Variants in ITCH observed in about 807,000 individuals in gnomAD.
ITCH encodes the protein itchy E3 ubiquitin protein ligase.
A neutral mutation model predicts 126.8 loss-of-function variants in ITCH; 28 were observed. That is an observed-to-expected ratio of 0.22 (90% CI 0.16 to 0.30). The LOEUF is 0.30. Ranked by LOEUF, ITCH falls within the 10% of genes least tolerant of loss-of-function variation. ITCH has a pLI of 1.00. For missense variants in ITCH, 631 were observed against 1,032.4 expected (o/e 0.61, Z 5.33); for synonymous variants, 342 against 340.0 (o/e 1.01, Z -0.06).
intron 14 of ITCH, among the ~76,000 whole-genome samples, chr20:34,466,631 T>C (rs2146397325): frequency 6.6e-6 from 1 of 152,288 alleles, no homozygotes; most frequent in East Asian, 1.9e-4. Context: ...TTATGTAAGA[T>C]AGAAGTGTAT....
At position 34,385,222 on chromosome 20, in the gene ITCH, G is replaced by T. The variant is rs151137992; in HGVS notation, c.-21-8569G>T. On this transcript the variant is annotated intron_variant, in intron 2 of 24. Transcript: ENST00000374864. ...GTGTGTGTGTGTGTGTGTGTGTGTG[G>T]TTTTTTTTTTTTTTTTTTTTAGCAG... Among the ~76,000 whole-genome samples, 604 of 85,052 alleles carry T rather than the reference G, an allele frequency of 7.1e-3. 11 individuals carry two copies. The highest frequency in any genetic ancestry group is 0.013 in the South Asian group (30 of 2,304). The allele number at this position is 85,052 out of a possible 152,430, so 55.8% of individuals were successfully genotyped here.
At chr20:34,484,813 G>A (rs1312014353) in intron 20 of ITCH, among the ~76,000 whole-genome samples, 1 of 152,126 alleles carries the variant, frequency 6.6e-6, no homozygotes, top group Non-Finnish European at 1.5e-5. Context: ...GAGAAGTTGT[G>A]CTAGATCACT....
intron 20 of ITCH, among the ~76,000 whole-genome samples, chr20:34,483,430 G>C (rs1190798605): frequency 6.6e-6 from 1 of 152,126 alleles, no homozygotes; most frequent in African/African-American, 2.4e-5. Context: ...TATTCCACCA[G>C]ATACCCTAAA....
chr20:34,495,575 G>A (rs1989823751), intron 23 of ITCH, among the ~76,000 whole-genome samples: 2 of 151,910 alleles, frequency 1.3e-5, no homozygotes, highest in South Asian at 2.1e-4. Flanking sequence ...CACTTAAAAC[G>A]TCCTCCATGT....
At chr20:34,487,313 G>A (rs1031108893) in intron 20 of ITCH, among the ~76,000 whole-genome samples, 3 of 151,942 alleles carry the variant, frequency 2.0e-5, no homozygotes, top group Non-Finnish European at 4.4e-5. Flanking sequence ...TGCCCAGCCA[G>A]GTCTTATTTT....
At chr20:34,497,209 C>T (rs981588628) in intron 23 of ITCH, among the ~76,000 whole-genome samples, 1 of 152,050 alleles carries the variant, frequency 6.6e-6, no homozygotes, top group Non-Finnish European at 1.5e-5. Context: ...GTTGGTCAGG[C>T]TGGTCTTGAA....
At chr20:34,502,326 T>G (rs1990306126) in intron 23 of ITCH, among the ~76,000 whole-genome samples, 1 of 151,820 alleles carries the variant, frequency 6.6e-6, no homozygotes, top group Non-Finnish European at 1.5e-5. Flanking sequence ...AAGCCTGTAG[T>G]GCACTATAAC....
rs565596272 is a variant in ITCH at position 34,461,834 on chromosome 20, A to G, written c.1296-259A>G. On this transcript the variant is annotated intron_variant, in intron 13 of 24. Transcript: ENST00000374864. The stretch of plus-strand genomic sequence containing the variant: ...CAGAATGGTTAGAACTTGGTTAACA[A>G]AATGTTTAGGATGAGTCATTAGCTA... Among the ~76,000 whole-genome samples, 3 of 152,288 alleles carry G rather than the reference A, an allele frequency of 2.0e-5. 1 individual carries two copies. Among genetic ancestry groups the G allele is most frequent in the African/African-American group, 4.8e-5 (2 of 41,570 alleles).
At chr20:34,470,956 A>C (rs544991080) in intron 15 of ITCH, among the ~76,000 whole-genome samples, 5 of 152,364 alleles carry the variant, frequency 3.3e-5, no homozygotes, top group Admixed American at 2.6e-4. Context: ...TACATACATG[A>C]ACATGTCCAT....
chr20:34,438,768 T>C, intron 8 of ITCH, 137 bp downstream of exon 8: 1 of 1,174,792 alleles, frequency 8.5e-7, no homozygotes, highest in South Asian at 1.3e-5. Context: ...AAGAATGATC[T>C]TTCTGTAGGT....
Position 34,413,770 on chromosome 20 carries a change from T to A in ITCH, c.366T>A (p.Leu122=). 6.2e-7 allele frequency: 1 copy of A among 1,612,380 alleles called. No individual in the cohort carries two copies. The highest frequency in any genetic ancestry group is 8.5e-7 in the Non-Finnish European group (1 of 1,178,972). ...AAGAAGTAGTTGTGACTTTGCAGCT[T>A]GGAGGTGACAAAGAGCCAACAGAGA... The part of the protein sequence containing the change: ...KLEEVVVTLQ[L]GGDKEPTETI... The change falls in exon 6 of 25, where the codon CTT becomes CTA. Residue 122 remains leucine, a synonymous_variant. Transcript: ENST00000374864.
chr20:34,396,446 G>A lies in ITCH; in HGVS notation c.70+2565G>A, dbSNP rs373733639. 3.9e-4 allele frequency among the ~76,000 whole-genome samples: 59 copies of A among 152,164 alleles called. 1 individual carries two copies. The South Asian group carries it at 8.3e-3, about 21-fold the overall frequency. On this transcript the variant is annotated intron_variant, in intron 3 of 24. Coordinates refer to ENST00000374864, the MANE Select transcript of ITCH (RefSeq NM_031483.7). ...TATCTTTTTTATGATAGCCATTCTA[G>A]TGGGTGTGAAGTAGTATTTTACTCT...
Position 34,417,136 on chromosome 20 carries a change from G to C in ITCH, c.475+3257G>C, listed in dbSNP as rs146558867. 3.2e-5 allele frequency: 21 copies of C among 664,540 alleles called. No individual in the cohort carries two copies. The Middle Eastern group carries it at 1.2e-3, about 37-fold the overall frequency. The allele number at this position is 664,540 out of a possible 1,614,324, so 41.2% of individuals were successfully genotyped here. ...TTTTAGATGGGGTTTCGCTCTGTTT[G>C]CCCAGGCTGGAGTGCAATAGTGCGA... On this transcript the variant is annotated intron_variant, in intron 6 of 24. Transcript: ENST00000374864.
intron 20 of ITCH, among the ~76,000 whole-genome samples, chr20:34,485,110 T>C (rs557172036): frequency 1.3e-5 from 2 of 152,238 alleles, no homozygotes; most frequent in Non-Finnish European, 2.9e-5. Context: ...TCAGCCATAT[T>C]GTTTATATCA....
chr20:34,498,047 G>A (rs145556765), intron 23 of ITCH, among the ~76,000 whole-genome samples: 1 of 152,088 alleles, frequency 6.6e-6, no homozygotes, highest in Non-Finnish European at 1.5e-5. Flanking sequence ...TGTAGAGATC[G>A]TTCACCTCCT....
intron 7 of ITCH, among the ~76,000 whole-genome samples, chr20:34,427,753 T>A (rs986422515): frequency 6.6e-6 from 1 of 152,224 alleles, no homozygotes; most frequent in Non-Finnish European, 1.5e-5. Flanking sequence ...CCGCATAAAA[T>A]GTTTTAGTAT....
intron 7 of ITCH, among the ~76,000 whole-genome samples, chr20:34,435,360 G>A (rs1435473796): frequency 6.6e-6 from 1 of 152,026 alleles, no homozygotes; most frequent in Non-Finnish European, 1.5e-5. Context: ...GTAGAGATGG[G>A]GTTTCGCCAT....
intron 3 of ITCH, 88 bp downstream of exon 3, chr20:34,393,969 T>G: frequency 8.0e-7 from 1 of 1,247,018 alleles, no homozygotes; most frequent in Non-Finnish European, 1.2e-6. Context: ...TGGTGGCCCA[T>G]GCCTGTAATC....
rs368866673 is a variant in ITCH at position 34,457,424 on chromosome 20, C to T, written c.1245C>T (p.Phe415=). ...CAGACAGCAATGGCAGAGTATATTT[C>T]GTCAACCACAACACACGAATTACAC... ...KRTDSNGRVY[F]VNHNTRITQW... The change falls in exon 13 of 25, where the codon TTC becomes TTT. Residue 415 remains phenylalanine (F), a synonymous_variant. Coordinates refer to ENST00000374864, the MANE Select transcript of ITCH (RefSeq NM_031483.7). 3.1e-6 allele frequency: 5 copies of T among 1,613,562 alleles called. No individual in the cohort carries two copies. The highest frequency in any genetic ancestry group is 1.7e-5 in the Admixed American group (1 of 59,982).
Sources: allele counts gnomAD v4.1 joint callset (sites outside exome capture counted in the v4.1 genomes callset), GRCh38; gene constraint gnomAD v4.1.1; transcripts MANE v1.5; gene names NCBI Gene and HGNC (gene_info 2026-07-23, HGNC 2026-07-21).